Variants in MID1 observed in about 807,000 individuals in gnomAD.
MID1 encodes midline 1.
In MID1, 7 loss-of-function variants were observed where a neutral mutation model predicts 40.4. The observed-to-expected ratio is 0.17, with a 90% CI of 0.10 to 0.33. The LOEUF (loss-of-function observed/expected upper bound fraction) is 0.33, where lower values mean the gene tolerates loss of function less well. MID1 is among the 10% of genes least tolerant of loss of function. The probability of loss-of-function intolerance (pLI) is 1.00; values close to 1 mark genes in which losing one functional copy is unlikely to be tolerated. For missense variants in MID1, 367 were observed against 558.5 expected (o/e 0.66, Z 3.46); for synonymous variants, 229 against 221.2 (o/e 1.04, Z -0.31).
At chrX:10,811,783 G>A (rs1299273088) in intron 1 of MID1, among the ~76,000 whole-genome samples, 2 of 111,772 alleles carry the variant, frequency 1.8e-5, no homozygotes, top group African/African-American at 3.3e-5. Flanking sequence ...GGACTGATCT[G>A]TGATGAAATT....
Position 10,590,506 on chromosome X carries a change from G to C in MID1, c.-56-22903C>G, listed in dbSNP as rs879194428. On this transcript the variant is annotated intron_variant, in intron 1 of 9. Coordinates refer to ENST00000317552, the MANE Select transcript of MID1 (RefSeq NM_000381.4). ...CAGGGGAGGGGTTATAAAGCAAGTA[G>C]TCTTCTGAGGGTGAGTTATTCCCAG... is the stretch of plus-strand genomic sequence containing the variant. Among the ~76,000 whole-genome samples, 3 of 111,357 alleles carry C rather than the reference G, an allele frequency of 2.7e-5. 1 individual carries two copies. In the Admixed American group the frequency reaches 2.8e-4, roughly 11 times the overall value.
chrX:10,725,245 C>G (rs2043381679), intron 1 of MID1, among the ~76,000 whole-genome samples: 1 of 111,663 alleles, frequency 9.0e-6, no homozygotes, highest in African/African-American at 3.3e-5. Flanking sequence ...AAATCAGGTG[C>G]CAGTCAAAAG....
At chrX:10,554,081 C>T (rs776232425) in intron 2 of MID1, among the ~76,000 whole-genome samples, 18 of 111,775 alleles carry the variant, frequency 1.6e-4, no homozygotes, top group Non-Finnish European at 3.2e-4. Flanking sequence ...TCATGTTCTG[C>T]ATTGTTAAAG....
intron 1 of MID1, among the ~76,000 whole-genome samples, chrX:10,810,069 C>T (rs1410710356): frequency 9.0e-6 from 1 of 111,411 alleles, no homozygotes; most frequent in African/African-American, 3.3e-5. Flanking sequence ...AATTCAATGA[C>T]ATTAAGTACA....
chrX:10,642,653 G>GA (rs760405291), intron 1 of MID1, among the ~76,000 whole-genome samples: 6 of 110,305 alleles, frequency 5.4e-5, no homozygotes, highest in East Asian at 5.6e-4. Context: ...CACAGAATTG[G>GA]AAAAAACTAC....
At chrX:10,526,635 G>A (rs1932838824) in intron 2 of MID1, among the ~76,000 whole-genome samples, 1 of 111,423 alleles carries the variant, frequency 9.0e-6, no homozygotes, top group Non-Finnish European at 1.9e-5. Flanking sequence ...CCAACACATT[G>A]AGATTTTACA....
At chrX:10,561,699 GATT>G (rs1934345178) in intron 2 of MID1, among the ~76,000 whole-genome samples, 1 of 107,114 alleles carries the variant, frequency 9.3e-6, no homozygotes, top group Non-Finnish European at 1.9e-5. Flanking sequence ...TTAGAATGGC[GATT>G]ATTAAAAAGT....
At chrX:10,825,009 A>G (rs1412235048) in intron 1 of MID1, among the ~76,000 whole-genome samples, 1 of 112,028 alleles carries the variant, frequency 8.9e-6, no homozygotes, top group Admixed American at 9.5e-5. Flanking sequence ...CTATAGGAAC[A>G]TAAGTGTTTA....
At chrX:10,731,966 C>CAAAAAAAAAAAAAAAAAA (rs754605735) in intron 1 of MID1, among the ~76,000 whole-genome samples, 2 of 26,655 alleles carry the variant, frequency 7.5e-5, no homozygotes, top group African/African-American at 1.9e-4. Context: ...GAATCTATCA[C>CAAAAAAAAAAAAAAAAAA]AAAAAAAAAA....
upstream of MID1, among the ~76,000 whole-genome samples, chrX:10,625,554 G>C (rs1935986912): frequency 1.8e-5 from 2 of 112,038 alleles, 1 homozygote; most frequent in South Asian, 7.5e-4. Flanking sequence ...ATCTCCATTA[G>C]TAGAAGGCCG....
chrX:10,511,899 A>G (rs1400507918), intron 3 of MID1, among the ~76,000 whole-genome samples: 1 of 112,322 alleles, frequency 8.9e-6, no homozygotes, highest in African/African-American at 3.2e-5. Context: ...ATTTTCAATA[A>G]TTTTGTGCAT....
chrX:10,522,324 C>G (rs773000008), intron 3 of MID1, among the ~76,000 whole-genome samples: 3 of 112,003 alleles, frequency 2.7e-5, no homozygotes, highest in African/African-American at 9.7e-5. Flanking sequence ...CCTGCAACTA[C>G]CAGAAAATGG....
At chrX:10,472,885 C>T (rs976873565) in intron 6 of MID1, among the ~76,000 whole-genome samples, 8 of 112,287 alleles carry the variant, frequency 7.1e-5, no homozygotes, top group African/African-American at 2.6e-4. Flanking sequence ...GGAACACAGG[C>T]TTCTCTTCTG....
chrX:10,731,371 G>A (rs1427788174), intron 1 of MID1, among the ~76,000 whole-genome samples: 1 of 112,076 alleles, frequency 8.9e-6, no homozygotes, highest in Admixed American at 9.5e-5. Context: ...GATAAAAATA[G>A]GTTAAATAAA....
intron 6 of MID1, among the ~76,000 whole-genome samples, chrX:10,474,191 A>AC (rs1479091793): frequency 8.9e-6 from 1 of 111,832 alleles, no homozygotes; most frequent in Non-Finnish European, 1.9e-5. Flanking sequence ...ATAATGCTTT[A>AC]CCTCAACTCG....
At chrX:10,828,193 C>T (rs1410259134) in intron 1 of MID1, among the ~76,000 whole-genome samples, 1 of 111,698 alleles carries the variant, frequency 9.0e-6, no homozygotes, top group Non-Finnish European at 1.9e-5. Context: ...ATAAAGCTGC[C>T]CTGCTTCCTC....
intron 9 of MID1, among the ~76,000 whole-genome samples, chrX:10,454,483 T>TA (rs113648857): frequency 0.032 from 3,610 of 111,799 alleles, 136 homozygotes; most frequent in African/African-American, 0.11. Context: ...GGACTATATG[T>TA]AAAAAAATGG....
At chrX:10,715,938 C>A (rs765300180) in intron 1 of MID1, among the ~76,000 whole-genome samples, 1 of 111,949 alleles carries the variant, frequency 8.9e-6, no homozygotes, top group African/African-American at 3.2e-5. Context: ...CAAACAGGAT[C>A]TGGAGTGGAC....
intron 5 of MID1, 189 bp from the exon 6 acceptor site, chrX:10,474,939 G>C: frequency 2.0e-6 from 1 of 494,147 alleles, no homozygotes. Flanking sequence ...TTAAAAAAAA[G>C]TGAAGGAATT....
Sources: gnomAD v4.1 joint callset for allele counts (sites outside exome capture counted in the v4.1 genomes callset) on GRCh38, gnomAD v4.1.1 for gene constraint, MANE v1.5 for transcripts, NCBI Gene and HGNC (gene_info 2026-07-23, HGNC 2026-07-21) for gene names.